The following TFPI variants were observed in gnomAD, a reference collection of about 807,000 sequenced individuals.
TFPI encodes the protein anti-convertin.
Under a neutral mutation model 34.6 loss-of-function variants are expected in TFPI, and 15 were observed. The ratio of observed to expected loss-of-function variants is 0.43; its 90% CI spans 0.29 to 0.67. TFPI has a LOEUF of 0.67. Ranked by LOEUF, TFPI falls within the 30% of genes least tolerant of loss-of-function variation. The probability of loss-of-function intolerance (pLI) is 0.15; values close to 1 mark genes in which losing one functional copy is unlikely to be tolerated. For synonymous variants in TFPI, 105 were observed against 120.1 expected (o/e 0.87, Z 0.82); for missense variants, 301 against 364.0 (o/e 0.83, Z 1.41).
intron 1 of TFPI, 26 bp from the exon 2 acceptor site, chr2:187,503,796 T>G: frequency 6.2e-7 from 1 of 1,607,454 alleles, no homozygotes; most frequent in Non-Finnish European, 8.5e-7. Flanking sequence ...CATACATATC[T>G]AATAAATAAA....
rs1227680953 is a variant in TFPI at position 187,488,387 on chromosome 2, A to C, written c.320-12T>G. The C allele has an allele frequency of 6.6e-7, 1 of 1,516,092 alleles. No individual in the cohort carries two copies. Among genetic ancestry groups the C allele is most frequent in the Non-Finnish European group, 8.9e-7 (1 of 1,127,172 alleles). 93.9% of individuals were successfully genotyped at this position (1,516,092 alleles called of 1,614,324 possible). ...CCTGTTTGCATTATCTGTAATCAAA[A>C]GAATATATGCATATCAATTGTCACA... On this transcript the variant is annotated splice_polypyrimidine_tract_variant and intron_variant, in intron 3 of 7. Transcript: ENST00000233156.
chr2:187,475,761 A>G (rs1032333748), intron 6 of TFPI, among the ~76,000 whole-genome samples: 4 of 152,230 alleles, frequency 2.6e-5, no homozygotes, highest in African/African-American at 9.6e-5. Context: ...CCACTAAGAT[A>G]TGTCATTCTG....
At chr2:187,535,135 A>T (rs1688179287) in intron 1 of TFPI, among the ~76,000 whole-genome samples, 2 of 152,186 alleles carry the variant, frequency 1.3e-5, no homozygotes, top group Non-Finnish European at 2.9e-5. Context: ...ACACAATAAT[A>T]GTGGGAGACT....
intron 1 of TFPI, among the ~76,000 whole-genome samples, chr2:187,520,893 G>C (rs1355428697): frequency 6.6e-6 from 1 of 151,914 alleles, no homozygotes; most frequent in East Asian, 1.9e-4. Flanking sequence ...CATTCAGTTG[G>C]CTCCTGTACT....
At chr2:187,542,133 A>G (rs1688612368) in intron 1 of TFPI, among the ~76,000 whole-genome samples, 1 of 152,214 alleles carries the variant, frequency 6.6e-6, no homozygotes, top group Non-Finnish European at 1.5e-5. Context: ...GAAAAATTTT[A>G]TGAAGGTTAT....
At chr2:187,512,505 C>A (rs188745984) in intron 1 of TFPI, among the ~76,000 whole-genome samples, 9 of 144,496 alleles carry the variant, frequency 6.2e-5, no homozygotes, top group Non-Finnish European at 7.8e-5. Flanking sequence ...GATGGTTCCT[C>A]CTGGGTAATT....
chr2:187,510,152 C>T (rs566142382), intron 1 of TFPI, among the ~76,000 whole-genome samples: 73 of 152,300 alleles, frequency 4.8e-4, no homozygotes, highest in Non-Finnish European at 9.3e-4. Context: ...AGTTTTAGTT[C>T]TGTGTTCTTC....
intron 1 of TFPI, among the ~76,000 whole-genome samples, chr2:187,525,902 T>G (rs1687652836): frequency 6.6e-6 from 1 of 152,096 alleles, no homozygotes; most frequent in Non-Finnish European, 1.5e-5. Context: ...CTATAAAGCT[T>G]CAAATATCAG....
At chr2:187,488,244 G>C (rs1321617591) in intron 4 of TFPI, 93 bp downstream of exon 4, 6 of 965,342 alleles carry the variant, frequency 6.2e-6, no homozygotes, top group Non-Finnish European at 7.8e-6. Context: ...CTGAATCAGG[G>C]ACCAGAAAAA....
At chr2:187,472,632 C>T (rs1692112307) in intron 6 of TFPI, among the ~76,000 whole-genome samples, 1 of 152,120 alleles carries the variant, frequency 6.6e-6, no homozygotes, top group African/African-American at 2.4e-5. Flanking sequence ...TATAGCTTGC[C>T]AAATGTTATA....
intron 6 of TFPI, among the ~76,000 whole-genome samples, chr2:187,482,817 G>A (rs1475140178): frequency 6.6e-6 from 1 of 151,912 alleles, no homozygotes; most frequent in Admixed American, 6.6e-5. Flanking sequence ...TCTGGGGAGG[G>A]TGTGAAATAG....
At chr2:187,508,389 T>C (rs1686377083) in intron 1 of TFPI, among the ~76,000 whole-genome samples, 1 of 152,188 alleles carries the variant, frequency 6.6e-6, no homozygotes, top group Admixed American at 6.5e-5. Context: ...GCATTGAATC[T>C]ATAAATTGGG....
At chr2:187,494,303 T>A (rs911281747) in intron 3 of TFPI, among the ~76,000 whole-genome samples, 1 of 149,864 alleles carries the variant, frequency 6.7e-6, no homozygotes, top group Non-Finnish European at 1.5e-5. Context: ...ATAACACACA[T>A]TGTTAGAAAA....
intron 6 of TFPI, among the ~76,000 whole-genome samples, chr2:187,480,905 G>C (rs541592557): frequency 5.3e-5 from 8 of 151,962 alleles, no homozygotes; most frequent in Non-Finnish European, 1.2e-4. Flanking sequence ...CAAGTATCTC[G>C]AATCAAGAAA....
chr2:187,534,289 GA>G (rs1483041104), intron 1 of TFPI, among the ~76,000 whole-genome samples: 1 of 152,146 alleles, frequency 6.6e-6, no homozygotes, highest in Non-Finnish European at 1.5e-5. Flanking sequence ...AGGTTGAAAT[GA>G]AGGAAAAAAT....
chr2:187,480,821 C>T (rs1430303292), intron 6 of TFPI, among the ~76,000 whole-genome samples: 1 of 151,812 alleles, frequency 6.6e-6, no homozygotes, highest in Non-Finnish European at 1.5e-5. Context: ...TTTGAGATTA[C>T]CTAAATAACT....
chr2:187,484,740 G>T (rs1435915796), intron 5 of TFPI, 71 bp downstream of exon 5: 5 of 1,381,058 alleles, frequency 3.6e-6, no homozygotes, highest in Non-Finnish European at 4.9e-6. Context: ...AGTATAGAAT[G>T]CCATCTGAGA....
At chr2:187,493,482 T>G (rs1361980224) in intron 3 of TFPI, among the ~76,000 whole-genome samples, 1 of 152,198 alleles carries the variant, frequency 6.6e-6, no homozygotes, top group African/African-American at 2.4e-5. Context: ...TTCCTGGTGA[T>G]TAACATTCAG....
intron 2 of TFPI, among the ~76,000 whole-genome samples, chr2:187,497,852 TAAGTA>T (rs1244543669): frequency 1.3e-5 from 2 of 151,968 alleles, no homozygotes; most frequent in African/African-American, 4.8e-5. Context: ...AGCCTAATGT[TAAGTA>T]AAGTCTATTT....
Sources: gnomAD v4.1 joint callset for allele counts (sites outside exome capture counted in the v4.1 genomes callset) on GRCh38, gnomAD v4.1.1 for gene constraint, MANE v1.5 for transcripts, NCBI Gene and HGNC (gene_info 2026-07-23, HGNC 2026-07-21) for gene names.